CLCN4: variants seen among roughly 807,000 people sequenced by gnomAD.
The protein encoded by CLCN4 is H(+)/Cl(-) exchange transporter 4.
A neutral mutation model predicts 41.7 loss-of-function variants in CLCN4; 1 was observed. The observed-to-expected ratio is 0.02, with a 90% CI of 0.01 to 0.11. CLCN4 has a LOEUF of 0.11. CLCN4 is among the 10% of genes least tolerant of loss of function. The pLI is 1.00. For synonymous variants in CLCN4, 277 were observed against 285.8 expected (o/e 0.97, Z 0.31); for missense variants, 287 against 661.0 (o/e 0.43, Z 6.20).
chrX:10,188,370 C>T (rs1164414582), intron 4 of CLCN4, among the ~76,000 whole-genome samples: 1 of 112,567 alleles, frequency 8.9e-6, no homozygotes, highest in Non-Finnish European at 1.9e-5. Context: ...ACAGTCAGCA[C>T]CATGCTAGAC....
At chrX:10,169,752 A>C (rs1195601079) in intron 2 of CLCN4, among the ~76,000 whole-genome samples, 1 of 104,856 alleles carries the variant, frequency 9.5e-6, no homozygotes, top group East Asian at 3.0e-4. Context: ...ACAGATAAAA[A>C]TCTTTCTTGA....
At chrX:10,221,293 G>T (rs1569233613) in intron 12 of CLCN4, among the ~76,000 whole-genome samples, 1 of 111,684 alleles carries the variant, frequency 9.0e-6, no homozygotes, top group East Asian at 2.8e-4. Context: ...GGGAAAAATG[G>T]GGTTAGGTAC....
intron 6 of CLCN4, among the ~76,000 whole-genome samples, chrX:10,205,151 T>C (rs1012360091): frequency 9.0e-6 from 1 of 111,127 alleles, no homozygotes; most frequent in Non-Finnish European, 1.9e-5. Context: ...AGGGCATCTT[T>C]CACATGGGAA....
At chrX:10,184,868 AATG>A (rs1438426377) in intron 2 of CLCN4, among the ~76,000 whole-genome samples, 151 bp from the exon 3 acceptor site, 2 of 112,114 alleles carry the variant, frequency 1.8e-5, no homozygotes, top group African/African-American at 6.5e-5. Context: ...CTCCACGAAT[AATG>A]ATAATTGACT....
intron 2 of CLCN4, among the ~76,000 whole-genome samples, chrX:10,172,643 T>C (rs1031037424): frequency 3.9e-5 from 4 of 101,495 alleles, no homozygotes; most frequent in African/African-American, 1.5e-4. Flanking sequence ...GTGTGTGTGT[T>C]TGTGTGTGTG....
At chrX:10,223,852 A>G (rs1468223410) in intron 12 of CLCN4, among the ~76,000 whole-genome samples, 1 of 112,162 alleles carries the variant, frequency 8.9e-6, no homozygotes, top group Non-Finnish European at 1.9e-5. Context: ...TGGACAGGAT[A>G]GCTTTCGCAG....
intron 1 of CLCN4, among the ~76,000 whole-genome samples, chrX:10,157,363 C>A (rs891018854): frequency 1.8e-5 from 2 of 112,007 alleles, no homozygotes; most frequent in Admixed American, 1.9e-4. Flanking sequence ...TTAACTCTAG[C>A]CTGCTTGTAA....
intron 4 of CLCN4, 39 bp from the exon 5 acceptor site, chrX:10,194,872 G>A (rs1175324860): frequency 1.4e-5 from 17 of 1,187,553 alleles, no homozygotes; most frequent in Non-Finnish European, 1.9e-5. Context: ...GTCGCATCAT[G>A]GGGCGATTCC....
chrX:10,191,846 C>CT (rs1235035232), intron 4 of CLCN4, among the ~76,000 whole-genome samples: 1 of 108,715 alleles, frequency 9.2e-6, no homozygotes, highest in Non-Finnish European at 1.9e-5. Context: ...GGCCCTTATA[C>CT]TTTTTAACAG....
At chrX:10,186,411 A>C (rs1430516444) in intron 3 of CLCN4, among the ~76,000 whole-genome samples, 2 of 111,454 alleles carry the variant, frequency 1.8e-5, no homozygotes, top group African/African-American at 6.5e-5. Flanking sequence ...GCCTGTGACA[A>C]GAGGGGACCC....
intron 3 of CLCN4, among the ~76,000 whole-genome samples, chrX:10,186,701 G>A (rs924846862): frequency 1.3e-4 from 15 of 112,019 alleles, no homozygotes; most frequent in African/African-American, 4.9e-4. Flanking sequence ...AGGAATGTGG[G>A]GTCGAGGCAG....
In CLCN4 at chrX:10,235,847, G is replaced by A. The variant is rs753107885; in HGVS notation, c.*2263G>A. On this transcript the variant is annotated 3_prime_UTR_variant, in exon 13 of 13. Transcript: ENST00000380833. ...TCAATAGTAGAGAATTTAATCCTTG[G>A]TCCTATAAAAGAATAAAATTCATTG... 25 of 112,138 alleles carry A rather than the reference G, an allele frequency of 2.2e-4. No homozygotes were observed. The highest frequency in any genetic ancestry group is 8.1e-4 in the African/African-American group (25 of 30,876). 9.2% of individuals were successfully genotyped at this position (112,138 alleles called of 1,213,427 possible). A position where few individuals can be genotyped will look rare whatever the true frequency, so the allele number is the denominator to read the frequency against.
In CLCN4 at chrX:10,157,027, A is replaced by G. The variant is rs753811830; in HGVS notation, c.-348A>G. 6.7e-6 allele frequency: 2 copies of G among 296,953 alleles called. No homozygotes were observed. Among genetic ancestry groups the G allele is most frequent in the African/African-American group, 5.4e-5 (2 of 36,788 alleles). The allele number at this position is 296,953 out of a possible 1,213,427, so 24.5% of individuals were successfully genotyped here. A position where few individuals can be genotyped will look rare whatever the true frequency, so the allele number is the denominator to read the frequency against. On this transcript the variant is annotated 5_prime_UTR_variant, in exon 1 of 13. Transcript: ENST00000380833. ...AATGAGCTTGTCAGTTTCTGCCTCC[A>G]TTAGACCCTCAACCCAAAGGAGCAG...
intron 5 of CLCN4, among the ~76,000 whole-genome samples, chrX:10,197,168 C>T (rs770935457): frequency 7.1e-5 from 8 of 112,303 alleles, no homozygotes; most frequent in Non-Finnish European, 1.1e-4. Flanking sequence ...AGGCCTTTCA[C>T]GCATAGGACC....
chrX:10,222,715 G>A (rs1185045520), intron 12 of CLCN4, among the ~76,000 whole-genome samples: 1 of 111,779 alleles, frequency 8.9e-6, no homozygotes, highest in Non-Finnish European at 1.9e-5. Context: ...GGATGTGCCT[G>A]TATAGCCAAA....
At chrX:10,212,419 G>A in intron 9 of CLCN4, 48 bp from the exon 10 acceptor site, 1 of 1,143,094 alleles carries the variant, frequency 8.7e-7, no homozygotes, top group South Asian at 1.9e-5. Flanking sequence ...CGTGAAGCGG[G>A]GACTTGGTCT....
At chrX:10,212,396 G>A in intron 9 of CLCN4, 71 bp from the exon 10 acceptor site, 1 of 1,056,965 alleles carries the variant, frequency 9.5e-7, no homozygotes, top group Admixed American at 2.3e-5. Context: ...GGGGGAATGT[G>A]TTTCTTGGGG....
chrX:10,231,500 G>GT (rs1182306716), intron 12 of CLCN4, among the ~76,000 whole-genome samples: 1 of 110,875 alleles, frequency 9.0e-6, no homozygotes, highest in East Asian at 2.8e-4. Context: ...CCTTGTTGTT[G>GT]TTTTTTTAAT....
At chrX:10,167,189 G>A (rs1290647056) in intron 2 of CLCN4, among the ~76,000 whole-genome samples, 1 of 112,084 alleles carries the variant, frequency 8.9e-6, no homozygotes, top group Non-Finnish European at 1.9e-5. Context: ...TGGTCGTGTG[G>A]CCCTCCACCC....
Sources: allele counts gnomAD v4.1 joint callset (sites outside exome capture counted in the v4.1 genomes callset), GRCh38; gene constraint gnomAD v4.1.1; transcripts MANE v1.5; gene names NCBI Gene and HGNC (gene_info 2026-07-23, HGNC 2026-07-21).